The following SYS1 variants were observed in gnomAD, a reference collection of about 807,000 sequenced individuals.
SYS1 encodes protein SYS1 homolog.
Under a neutral mutation model 17.8 loss-of-function variants are expected in SYS1, and 8 were observed. That is an observed-to-expected ratio of 0.45 (90% CI 0.26 to 0.81). The LOEUF (loss-of-function observed/expected upper bound fraction) is 0.81. SYS1 is among the 40% of genes least tolerant of loss of function. The pLI is 0.16. For synonymous variants in SYS1, 95 were observed against 90.9 expected (o/e 1.05, Z -0.26); for missense variants, 161 against 203.9 (o/e 0.79, Z 1.28).
downstream of SYS1, among the ~76,000 whole-genome samples, chr20:45,370,815 A>C (rs1186389491): frequency 6.6e-6 from 1 of 152,180 alleles, no homozygotes; most frequent in Non-Finnish European, 1.5e-5. Flanking sequence ...CCTAGGGCAG[A>C]GGAGTAGGGA....
chr20:45,364,796 C>G (rs2145351046), intron 2 of SYS1, among the ~76,000 whole-genome samples: 1 of 152,144 alleles, frequency 6.6e-6, no homozygotes, highest in Non-Finnish European at 1.5e-5. Context: ...AGCCAGGAGA[C>G]CTGGGATGGA....
At chr20:45,375,591 G>C (rs764618801) in exon 4 of SYS1, 2 of 1,567,154 alleles carry the variant, frequency 1.3e-6, no homozygotes, top group Non-Finnish European at 1.7e-6. Flanking sequence ...CAGCAGGACC[G>C]AGGCCCTGGT....
At chr20:45,369,878 C>G (rs7266979), downstream of SYS1, among the ~76,000 whole-genome samples, 2,517 of 151,878 alleles carry the variant, frequency 0.017, 74 homozygotes, top group African/African-American at 0.056. Flanking sequence ...CTCGGCCTCC[C>G]AAAGTGCTGG....
At chr20:45,364,465 C>CTTTTTTTTT (rs386393831) in intron 2 of SYS1, among the ~76,000 whole-genome samples, 6 of 80,130 alleles carry the variant, frequency 7.5e-5, no homozygotes, top group Admixed American at 2.0e-4. Context: ...GAGCACAGTT[C>CTTTTTTTTT]TTTTTTTTTT....
chr20:45,368,951 A>G lies in SYS1; in HGVS notation c.*1836A>G, dbSNP rs1008729875. ...CCTATTTTTCTGCATATCTTCTGTG[A>G]TGACAAATCTCTGTCCCCTGAGTGT... is the stretch of plus-strand genomic sequence containing the variant. On this transcript the variant is annotated 3_prime_UTR_variant, in exon 4 of 4. Transcript: ENST00000243918. 1.1e-6 allele frequency: 1 copy of G among 879,090 alleles called. No homozygotes were observed. The highest frequency in any genetic ancestry group is 5.2e-5 in the South Asian group (1 of 19,236). The allele number at this position is 879,090 out of a possible 1,614,324, so 54.5% of individuals were successfully genotyped here. A position where few individuals can be genotyped will look rare whatever the true frequency, so the allele number is the denominator to read the frequency against.
rs527731637 is a variant in SYS1 at position 45,368,730 on chromosome 20, G to T, written c.*1615G>T. On this transcript the variant is annotated 3_prime_UTR_variant, in exon 4 of 4. Transcript: ENST00000243918. ...GAGGCACAGTAATCCTGGCTGCAGG[G>T]TCTAGGAGGTAAGACCAGCTGGGAT... The T allele has an allele frequency of 1.4e-5, 14 of 985,306 alleles. No homozygotes were observed. Among genetic ancestry groups the T allele is most frequent in the Non-Finnish European group, 1.7e-5 (14 of 829,936 alleles). 61.0% of individuals were successfully genotyped at this position (985,306 alleles called of 1,614,324 possible). A position where few individuals can be genotyped will look rare whatever the true frequency, so the allele number is the denominator to read the frequency against.
intron 1 of SYS1, 91 bp downstream of exon 1, chr20:45,363,406 T>A (rs898575119): frequency 1.4e-5 from 20 of 1,446,066 alleles, no homozygotes; most frequent in Non-Finnish European, 1.7e-5. Context: ...TGGGTCTGTC[T>A]GCCCCGCCTT....
exon 4 of SYS1, chr20:45,376,736 GT>G (rs1988744955): frequency 6.6e-6 from 1 of 151,246 alleles, no homozygotes; most frequent in African/African-American, 2.4e-5. Flanking sequence ...TGAGGAAACG[GT>G]TTGAACTTGT....
chr20:45,365,540 T>C (rs757664053), intron 2 of SYS1, 79 bp from the exon 3 acceptor site: 1 of 1,371,300 alleles, frequency 7.3e-7, no homozygotes, highest in East Asian at 2.3e-5. Flanking sequence ...GAATGCTTGT[T>C]CCTTAGGAGG....
chr20:45,375,572 CA>C, exon 4 of SYS1: 1 of 1,594,764 alleles, frequency 6.3e-7, no homozygotes, highest in South Asian at 1.1e-5. Flanking sequence ...AGAGGAAAGG[CA>C]GTCAGCACAG....
chr20:45,367,073 C>T lies in SYS1; in HGVS notation c.429C>T (p.Leu143=). Residue 143 remains leucine, a synonymous_variant, in exon 4 of 4, where the codon CTC becomes CTT. Coordinates refer to ENST00000243918, the MANE Select transcript of SYS1 (RefSeq NM_033542.4). ...AGTACCTGTGCATGCGGACGGAGCT[C>T]AAGGAGATACCCCTCAACTCAGCCC... ...IGEYLCMRTE[L]KEIPLNSAPK... is the part of the protein sequence containing the mutation. The T allele has an allele frequency of 6.2e-7, 1 of 1,614,176 alleles. No homozygotes were observed. The highest frequency in any genetic ancestry group is 8.5e-7 in the Non-Finnish European group (1 of 1,180,036).
At chr20:45,373,827 G>T (rs1988632235), downstream of SYS1, 1 of 1,373,002 alleles carries the variant, frequency 7.3e-7, no homozygotes, top group Non-Finnish European at 1.0e-6. Context: ...TCTACCGAAG[G>T]CCTCTTTCCT....
chr20:45,370,479 A>T (rs753783013), downstream of SYS1, among the ~76,000 whole-genome samples: 2 of 152,266 alleles, frequency 1.3e-5, no homozygotes, highest in South Asian at 2.1e-4. Flanking sequence ...CAGGAAAGGA[A>T]AAAGGGATGT....
At chr20:45,366,057 A>C (rs1988402441) in intron 3 of SYS1, among the ~76,000 whole-genome samples, 1 of 152,042 alleles carries the variant, frequency 6.6e-6, no homozygotes, top group Non-Finnish European at 1.5e-5. Flanking sequence ...TTTGTCCATG[A>C]GGGTTTGGAC....
chr20:45,368,792 C>T lies in SYS1; in HGVS notation c.*1677C>T, dbSNP rs916714124. The T allele has an allele frequency of 3.7e-5, 36 of 985,296 alleles. No homozygotes were observed. Among genetic ancestry groups the T allele is most frequent in the Non-Finnish European group, 4.2e-5 (35 of 829,932 alleles). The allele number at this position is 985,296 out of a possible 1,614,324, so 61.0% of individuals were successfully genotyped here. On this transcript the variant is annotated 3_prime_UTR_variant, in exon 4 of 4. Transcript: ENST00000243918. ...GGTTAATCAATTTCCCTCTAGACAA[C>T]ACAAACTGCAGGCATGTGACTAACT...
At chr20:45,373,815 C>A, downstream of SYS1, 1 of 1,261,216 alleles carries the variant, frequency 7.9e-7, no homozygotes. Context: ...ACACAGGCTC[C>A]CTCTACCGAA....
chr20:45,374,110 G>T, downstream of SYS1: 1 of 1,149,768 alleles, frequency 8.7e-7, no homozygotes, highest in Non-Finnish European at 1.3e-6. Flanking sequence ...GTGGTGTCTG[G>T]TAGGTTGGAA....
Position 45,374,362 on chromosome 20 carries a change from C to G in SYS1, c.*68C>G. ...GTCACAGCTCACTGCAGCCTCGACTCCTGGGCTTAAGCGATCCTCCGACCT... is the reference window on the plus strand; with the variant it reads ...GTCACAGCTCACTGCAGCCTCGACTGCTGGGCTTAAGCGATCCTCCGACCT... On this transcript the variant is annotated 3_prime_UTR_variant, in exon 4 of 4. Transcript: ENST00000426004. The G allele has an allele frequency of 1.5e-5, 10 of 657,472 alleles. No individual in the cohort carries two copies. In the South Asian group the frequency reaches 1.7e-4, roughly 11 times the overall value. The allele number at this position is 657,472 out of a possible 1,614,324, so 40.7% of individuals were successfully genotyped here.
chr20:45,371,540 A>G (rs1478806176), downstream of SYS1, among the ~76,000 whole-genome samples: 1 of 152,240 alleles, frequency 6.6e-6, no homozygotes, highest in Admixed American at 6.5e-5. Context: ...GCAGACAAAG[A>G]AACAGAGGAT....
Sources: allele counts gnomAD v4.1 joint callset (sites outside exome capture counted in the v4.1 genomes callset), GRCh38; gene constraint gnomAD v4.1.1; transcripts MANE v1.5; gene names NCBI Gene and HGNC (gene_info 2026-07-23, HGNC 2026-07-21).